Variants in SYNPR observed in about 807,000 individuals in gnomAD.
SYNPR encodes the protein synaptoporin.
SYNPR carries 23 observed loss-of-function variants against 32.9 expected under a neutral mutation model. The observed-to-expected ratio is 0.70, with a 90% CI of 0.50 to 0.99. The LOEUF (loss-of-function observed/expected upper bound fraction) is 0.99. Among genes scored for constraint, SYNPR ranks in the 50% least tolerant of loss-of-function variants. The probability of loss-of-function intolerance (pLI) is 0.00; values close to 1 mark genes in which losing one functional copy is unlikely to be tolerated. For synonymous variants in SYNPR, 146 were observed against 135.9 expected (o/e 1.07, Z -0.52); for missense variants, 318 against 349.3 (o/e 0.91, Z 0.71).
At chr3:63,316,183 A>G (rs1238669016) in intron 2 of SYNPR, among the ~76,000 whole-genome samples, 1 of 151,734 alleles carries the variant, frequency 6.6e-6, no homozygotes, top group Non-Finnish European at 1.5e-5. Flanking sequence ...AAGGGTATCA[A>G]TCTGTAATTT....
chr3:63,250,976 A>C (rs2086326559), intron 1 of SYNPR, among the ~76,000 whole-genome samples: 2 of 152,184 alleles, frequency 1.3e-5, no homozygotes, highest in African/African-American at 2.4e-5. Flanking sequence ...GAAGCATAAC[A>C]CTTAAAATTA....
At chr3:63,552,057 C>A (rs9815467) in intron 3 of SYNPR, among the ~76,000 whole-genome samples, 3,181 of 151,990 alleles carry the variant, frequency 0.021, 104 homozygotes, top group African/African-American at 0.072. Flanking sequence ...GCCACCATGT[C>A]TGGCTAATTT....
At chr3:63,553,102 T>C (rs1379725251) in intron 3 of SYNPR, among the ~76,000 whole-genome samples, 1 of 152,144 alleles carries the variant, frequency 6.6e-6, no homozygotes, top group Non-Finnish European at 1.5e-5. Flanking sequence ...GCCTCCCTAC[T>C]CTAGTACTCC....
At chr3:63,569,031 A>G (rs998542281) in intron 4 of SYNPR, among the ~76,000 whole-genome samples, 2 of 152,220 alleles carry the variant, frequency 1.3e-5, no homozygotes, top group African/African-American at 2.4e-5. Context: ...CAGTTTATTT[A>G]TCTATTCATA....
intron 3 of SYNPR, among the ~76,000 whole-genome samples, chr3:63,501,260 CT>C (rs1701472321): frequency 1.3e-5 from 2 of 152,042 alleles, no homozygotes; most frequent in South Asian, 4.1e-4. Context: ...GGGCAGATTG[CT>C]TGATCTCAGA....
At chr3:63,353,846 A>G (rs2087540984) in intron 2 of SYNPR, among the ~76,000 whole-genome samples, 2 of 152,242 alleles carry the variant, frequency 1.3e-5, no homozygotes, top group Admixed American at 6.5e-5. Context: ...GCACAAAAAT[A>G]TAGTGCTGTC....
intron 4 of SYNPR, among the ~76,000 whole-genome samples, chr3:63,586,654 A>ATGTGTG (rs10530383): frequency 0.24 from 33,987 of 143,486 alleles, 4,204 homozygotes; most frequent in South Asian, 0.42. Context: ...TGCAGATTCA[A>ATGTGTG]TGTGTGTGTG....
At chr3:63,465,337 C>G (rs1700656704) in intron 2 of SYNPR, among the ~76,000 whole-genome samples, 1 of 152,020 alleles carries the variant, frequency 6.6e-6, no homozygotes, top group Non-Finnish European at 1.5e-5. Flanking sequence ...CTACATCCTA[C>G]AATAGTATAA....
chr3:63,235,223 A>C (rs1277044869), intron 1 of SYNPR, among the ~76,000 whole-genome samples: 1 of 152,030 alleles, frequency 6.6e-6, no homozygotes, highest in Non-Finnish European at 1.5e-5. Context: ...TCCTGTTTAT[A>C]ATATAACAGG....
intron 4 of SYNPR, among the ~76,000 whole-genome samples, chr3:63,588,645 G>A (rs1185027423): frequency 6.6e-6 from 1 of 152,004 alleles, no homozygotes. Flanking sequence ...TCCCAGTTAT[G>A]TCAAAACCAA....
At chr3:63,515,466 G>A (rs140027416) in intron 3 of SYNPR, among the ~76,000 whole-genome samples, 45 of 152,222 alleles carry the variant, frequency 3.0e-4, no homozygotes, top group African/African-American at 1.1e-3. Flanking sequence ...ACCCTAATCA[G>A]CTACTTCTCT....
chr3:63,296,877 T>G (rs144533916), intron 2 of SYNPR, among the ~76,000 whole-genome samples: 10 of 152,284 alleles, frequency 6.6e-5, no homozygotes, highest in Middle Eastern at 6.8e-3. Flanking sequence ...CATTGTGCAA[T>G]CATAGAAATA....
chr3:63,477,356 C>T (rs1700948106), intron 2 of SYNPR, among the ~76,000 whole-genome samples: 2 of 152,256 alleles, frequency 1.3e-5, no homozygotes, highest in South Asian at 2.1e-4. Context: ...ATACAGACAT[C>T]GTATGTTCAA....
At chr3:63,601,669 G>A (rs1700045496) in intron 4 of SYNPR, among the ~76,000 whole-genome samples, 2 of 152,238 alleles carry the variant, frequency 1.3e-5, no homozygotes, top group Admixed American at 6.5e-5. Context: ...TGCTACAAAG[G>A]ACATGATCTC....
chr3:63,374,504 A>C (rs2087859165), intron 2 of SYNPR, among the ~76,000 whole-genome samples: 1 of 152,164 alleles, frequency 6.6e-6, no homozygotes, highest in Non-Finnish European at 1.5e-5. Context: ...TATCTGGGTG[A>C]TTAAATAATC....
At chr3:63,389,023 T>G (rs1318260248) in intron 2 of SYNPR, among the ~76,000 whole-genome samples, 1 of 152,206 alleles carries the variant, frequency 6.6e-6, no homozygotes, top group Non-Finnish European at 1.5e-5. Context: ...CACATCTGGA[T>G]TTTATTTTTA....
At chr3:63,378,865 G>A (rs1167083871) in intron 2 of SYNPR, among the ~76,000 whole-genome samples, 1 of 151,820 alleles carries the variant, frequency 6.6e-6, no homozygotes, top group Non-Finnish European at 1.5e-5. Flanking sequence ...AAGAGTTGCA[G>A]TGTGAAAGTT....
At chr3:63,438,603 T>C (rs1238798986) in intron 2 of SYNPR, among the ~76,000 whole-genome samples, 1 of 152,220 alleles carries the variant, frequency 6.6e-6, no homozygotes, top group Admixed American at 6.5e-5. Context: ...AGAGACAGTG[T>C]TGGAGAAAAC....
chr3:63,211,217 G>C, the SYNPR span, among the ~76,000 whole-genome samples: 1 of 152,050 alleles, frequency 6.6e-6, no homozygotes, highest in South Asian at 2.1e-4. Flanking sequence ...ACAGGCACCC[G>C]CCACCACACC....
Sources: allele counts gnomAD v4.1 joint callset (sites outside exome capture counted in the v4.1 genomes callset), GRCh38; gene constraint gnomAD v4.1.1; transcripts MANE v1.5; gene names NCBI Gene and HGNC (gene_info 2026-07-23, HGNC 2026-07-21).